SLC6A6: variants seen among roughly 807,000 people sequenced by gnomAD.
SLC6A6 encodes sodium- and chloride-dependent taurine transporter.
Under a neutral mutation model 68.8 loss-of-function variants are expected in SLC6A6, and 16 were observed. That is an observed-to-expected ratio of 0.23 (90% confidence interval 0.16 to 0.35). The LOEUF (loss-of-function observed/expected upper bound fraction) is 0.35. Ranked by LOEUF, SLC6A6 falls within the 10% of genes least tolerant of loss-of-function variation. SLC6A6 has a pLI of 1.00. For synonymous variants in SLC6A6, 312 were observed against 315.4 expected, an observed-to-expected ratio of 0.99 and a Z score of 0.12; for missense variants, 474 against 802.8, an observed-to-expected ratio of 0.59 and a Z score of 4.95.
intron 2 of SLC6A6, among the ~76,000 whole-genome samples, chr3:14,417,496 C>A (rs1470765707): frequency 6.6e-6 from 1 of 152,084 alleles, no homozygotes; most frequent in Non-Finnish European, 1.5e-5. Flanking sequence ...CTTTGGGAGG[C>A]CAAGGTGGGC....
intron 2 of SLC6A6, among the ~76,000 whole-genome samples, chr3:14,417,820 G>A (rs1487413814): frequency 6.6e-6 from 1 of 151,638 alleles, no homozygotes; most frequent in African/African-American, 2.4e-5. Context: ...ACATTGACGT[G>A]ATTCTGTTAT....
chr3:14,462,359 C>T (rs1379468112), intron 6 of SLC6A6, among the ~76,000 whole-genome samples: 1 of 152,158 alleles, frequency 6.6e-6, no homozygotes, highest in Non-Finnish European at 1.5e-5. Flanking sequence ...ACAGTAGGAT[C>T]TGTGGCCTGC....
chr3:14,420,303 C>T (rs911623878), intron 2 of SLC6A6, among the ~76,000 whole-genome samples: 3 of 152,254 alleles, frequency 2.0e-5, no homozygotes, highest in Non-Finnish European at 4.4e-5. Flanking sequence ...CGTGATGGTG[C>T]GCACCTGTAG....
Position 14,477,561 on chromosome 3 carries a change from G to A in SLC6A6, c.1347+219G>A, listed in dbSNP as rs1023268760. Reference sequence around the variant, plus strand: ...ACCCAATTATTTTGCCTGTTGCTGTGGCAACACTGTGACCACCCGCTGCCC... The same window carrying A: ...ACCCAATTATTTTGCCTGTTGCTGTAGCAACACTGTGACCACCCGCTGCCC... On this transcript the variant is annotated intron_variant, in intron 11 of 14. Transcript: ENST00000622186. This position sits in a 1 kb window ranked among gnomAD's most constrained non-coding sequence, Gnocchi z 4.2. 5.9e-5 allele frequency among the ~76,000 whole-genome samples: 9 copies of A among 152,250 alleles called. No homozygotes were observed. Among genetic ancestry groups the A allele is most frequent in the African/African-American group, 2.2e-4 (9 of 41,468 alleles).
In SLC6A6 at chr3:14,487,638, C is replaced by T. The variant is rs979572584; in HGVS notation, c.*2631C>T. 2.0e-5 allele frequency: 3 copies of T among 152,174 alleles called. No homozygotes were observed. The highest frequency in any genetic ancestry group is 7.2e-5 in the African/African-American group (3 of 41,424). 9.4% of individuals were successfully genotyped at this position (152,174 alleles called of 1,614,324 possible). A position where few individuals can be genotyped will look rare whatever the true frequency, so the allele number is the denominator to read the frequency against. On this transcript the variant is annotated 3_prime_UTR_variant, in exon 15 of 15. Coordinates refer to ENST00000622186, the MANE Select transcript of SLC6A6 (RefSeq NM_003043.6). The stretch of plus-strand genomic sequence containing the variant: ...TAAGATGAAGAAGTGGGAGACACTG[C>T]GTTGAGATGGGCCATGCTAGGGCCA...
At chr3:14,433,664 C>A (rs1331215452) in intron 2 of SLC6A6, among the ~76,000 whole-genome samples, 1 of 151,888 alleles carries the variant, frequency 6.6e-6, no homozygotes, top group African/African-American at 2.4e-5. Context: ...ATTAGCTGGG[C>A]GTGGTGGCAG....
chr3:14,439,864 G>T (rs150907431), intron 2 of SLC6A6, among the ~76,000 whole-genome samples: 2 of 152,108 alleles, frequency 1.3e-5, no homozygotes, highest in African/African-American at 2.4e-5. Context: ...AGACTGAGCC[G>T]CAGAGGGACA....
intron 6 of SLC6A6, among the ~76,000 whole-genome samples, chr3:14,461,241 A>T (rs2124971667): frequency 6.6e-6 from 1 of 152,228 alleles, no homozygotes; most frequent in South Asian, 2.1e-4. Flanking sequence ...AATCCTCCTC[A>T]TGGTTTGGAG....
chr3:14,478,592 C>T, intron 12 of SLC6A6, 24 bp downstream of exon 12: 3 of 1,384,194 alleles, frequency 2.2e-6, no homozygotes, highest in Non-Finnish European at 3.1e-6. Context: ...TTTTCATGTC[C>T]TTTCTCAAGG....
intron 2 of SLC6A6, among the ~76,000 whole-genome samples, chr3:14,430,682 A>G (rs1254776977): frequency 6.6e-6 from 1 of 152,204 alleles, no homozygotes; most frequent in Admixed American, 6.5e-5. Flanking sequence ...AGAATTAGAT[A>G]TGAGCCTCAT....
chr3:14,402,738 G>T lies in SLC6A6; in HGVS notation c.-163G>T. 1 of 398,154 alleles carries T rather than the reference G, an allele frequency of 2.5e-6. No homozygotes were observed. The highest frequency in any genetic ancestry group is 4.4e-6 in the Non-Finnish European group (1 of 225,702). 24.7% of individuals were successfully genotyped at this position (398,154 alleles called of 1,614,324 possible). ...CCAGAGGACAAGCTGCGCCAAGAGG[G>T]AGTGCGGAGCGTTCACCCAGCGGGT... On this transcript the variant is annotated 5_prime_UTR_variant, in exon 1 of 15. Coordinates refer to ENST00000622186, the MANE Select transcript of SLC6A6 (RefSeq NM_003043.6). The surrounding 1 kb of genome is among the most constrained non-coding windows in gnomAD (Gnocchi z 4.8).
chr3:14,455,796 GC>G (rs1407217525), intron 5 of SLC6A6, among the ~76,000 whole-genome samples: 1 of 152,216 alleles, frequency 6.6e-6, no homozygotes, highest in African/African-American at 2.4e-5. Context: ...CGTGGCAGGC[GC>G]CAGATCCACA....
chr3:14,434,633 G>GCCCTTTC (rs1699809497), intron 2 of SLC6A6, among the ~76,000 whole-genome samples: 1 of 152,216 alleles, frequency 6.6e-6, no homozygotes, highest in Non-Finnish European at 1.5e-5. Flanking sequence ...CTCGCCCACT[G>GCCCTTTC]CCCTTTCCCC....
At chr3:14,451,014 G>T (rs948106585) in intron 5 of SLC6A6, among the ~76,000 whole-genome samples, 27 of 152,114 alleles carry the variant, frequency 1.8e-4, no homozygotes, top group Admixed American at 1.2e-3. Context: ...TCTGAGCACT[G>T]TCCCCATGCA....
Position 14,472,107 on chromosome 3 carries a change from T to C in SLC6A6, c.1097-98T>C. ...AGTTCAGACCTGGCTCCCTGCTGTATTTGGGTCTGAGTGTCTTTGTGTGAG... is the reference window on the plus strand; with the variant it reads ...AGTTCAGACCTGGCTCCCTGCTGTACTTGGGTCTGAGTGTCTTTGTGTGAG... On this transcript the variant is annotated intron_variant, in intron 9 of 14. Transcript: ENST00000622186. This position sits in a 1 kb window ranked among gnomAD's most constrained non-coding sequence, Gnocchi z 4.5. The C allele has an allele frequency of 1.4e-6, 1 of 726,880 alleles. No homozygotes were observed. Among genetic ancestry groups the C allele is most frequent in the Non-Finnish European group, 2.5e-6 (1 of 405,856 alleles). 45.0% of individuals were successfully genotyped at this position (726,880 alleles called of 1,614,324 possible). A position where few individuals can be genotyped will look rare whatever the true frequency, so the allele number is the denominator to read the frequency against.
chr3:14,481,602 C>A lies in SLC6A6; in HGVS notation c.1552-69C>A. 1 of 1,095,244 alleles carries A rather than the reference C, an allele frequency of 9.1e-7. No homozygotes were observed. Among genetic ancestry groups the A allele is most frequent in the Non-Finnish European group, 1.4e-6 (1 of 729,186 alleles). The allele number at this position is 1,095,244 out of a possible 1,614,324, so 67.8% of individuals were successfully genotyped here. On this transcript the variant is annotated intron_variant, in intron 13 of 14. Coordinates refer to ENST00000622186, the MANE Select transcript of SLC6A6 (RefSeq NM_003043.6). The surrounding 1 kb of genome is among the most constrained non-coding windows in gnomAD (Gnocchi z 4.7). ...CCCTTCCCTCAGGTTGAGGCCAGTC[C>A]TAGTCCCAGAAGCCCCCCACCCCCC...
rs938783530 is a variant in SLC6A6, at chr3:14,472,990, G to A, written c.1209+673G>A. Among the ~76,000 whole-genome samples the A allele has an allele frequency of 6.6e-6, 1 of 152,184 alleles. No homozygotes were observed. Among genetic ancestry groups the A allele is most frequent in the Non-Finnish European group, 1.5e-5 (1 of 68,038 alleles). ...AAGGCAGGACTCCTGTCTCCACTGA[G>A]GTTCTTTCCTGCACTTCTAAACCCC... On this transcript the variant is annotated intron_variant, in intron 10 of 14. Transcript: ENST00000622186. This position sits in a 1 kb window ranked among gnomAD's most constrained non-coding sequence, Gnocchi z 4.5.
At chr3:14,417,406 C>T (rs1699384629) in intron 2 of SLC6A6, among the ~76,000 whole-genome samples, 1 of 152,020 alleles carries the variant, frequency 6.6e-6, no homozygotes, top group Non-Finnish European at 1.5e-5. Flanking sequence ...AGGCATGATG[C>T]CCCTTCACCT....
chr3:14,474,306 C>G (rs771956242), intron 10 of SLC6A6, among the ~76,000 whole-genome samples: 6 of 152,202 alleles, frequency 3.9e-5, no homozygotes, highest in Non-Finnish European at 8.8e-5. Flanking sequence ...TCAGAGCCCT[C>G]TGCCGTAAGA....
Sources: allele counts gnomAD v4.1 joint callset (sites outside exome capture counted in the v4.1 genomes callset), GRCh38; gene constraint gnomAD v4.1.1; non-coding constraint Gnocchi (gnomAD v3.1); transcripts MANE v1.5; gene names NCBI Gene and HGNC (gene_info 2026-07-23, HGNC 2026-07-21).